Variants in BEND5 observed in about 807,000 individuals in gnomAD.
BEND5 encodes BEN domain containing 5.
Under a neutral mutation model 43.9 loss-of-function variants are expected in BEND5, and 22 were observed. The observed-to-expected ratio is 0.50, with a 90% CI of 0.36 to 0.72. The LOEUF is 0.72. BEND5 is among the 30% of genes least tolerant of loss of function. The pLI is 0.00. For synonymous variants in BEND5, 228 were observed against 225.9 expected (o/e 1.01, Z -0.08); for missense variants, 428 against 550.6 (o/e 0.78, Z 2.23).
Position 48,749,341 on chromosome 1 carries a change from C to T in BEND5, c.746-6570G>A, listed in dbSNP as rs888084896. 2.6e-5 allele frequency among the ~76,000 whole-genome samples: 4 copies of T among 152,206 alleles called. 1 individual carries two copies. Among genetic ancestry groups the T allele is most frequent in the African/African-American group, 9.7e-5 (4 of 41,450 alleles). On this transcript the variant is annotated intron_variant, in intron 3 of 5. Coordinates refer to ENST00000371833, the MANE Select transcript of BEND5 (RefSeq NM_024603.4). ...CGAGGGGATGTTCCTGCTATATCCC[C>T]AGCACCCAGCGCAATGTCCTCCATA...
chr1:48,757,421 G>A (rs749574930), intron 3 of BEND5, among the ~76,000 whole-genome samples: 3 of 152,056 alleles, frequency 2.0e-5, no homozygotes, highest in East Asian at 3.9e-4. Context: ...GCGACTTTTC[G>A]TGTCACTGTG....
rs544695428 is a variant in BEND5, at chr1:48,770,014, C to G, written c.226+6592G>C. On this transcript the variant is annotated intron_variant, in intron 1 of 5. Coordinates refer to ENST00000371833, the MANE Select transcript of BEND5 (RefSeq NM_024603.4). Reference sequence around the variant, plus strand: ...AGTGCAGGGTTCCATCCTAAAATACCCCTGACCTGCTTGCCACCTTTAGTG... The same window carrying G: ...AGTGCAGGGTTCCATCCTAAAATACGCCTGACCTGCTTGCCACCTTTAGTG... 3.9e-5 allele frequency among the ~76,000 whole-genome samples: 6 copies of G among 152,200 alleles called. No homozygotes were observed. The South Asian group carries it at 1.2e-3, about 32-fold the overall frequency.
chr1:48,748,003 A>G (rs979111265), intron 3 of BEND5, among the ~76,000 whole-genome samples: 2 of 152,132 alleles, frequency 1.3e-5, no homozygotes, highest in African/African-American at 2.4e-5. Context: ...TACAAGTACC[A>G]TCCTATTTTC....
At chr1:48,732,664 C>T (rs1026403233) in intron 5 of BEND5, among the ~76,000 whole-genome samples, 1 of 152,008 alleles carries the variant, frequency 6.6e-6, no homozygotes, top group Admixed American at 6.6e-5. Flanking sequence ...TCCAGGGCTA[C>T]AGCACAATAG....
intron 5 of BEND5, among the ~76,000 whole-genome samples, chr1:48,732,491 T>C (rs1648299891): frequency 6.6e-6 from 1 of 151,112 alleles, no homozygotes; most frequent in African/African-American, 2.5e-5. Flanking sequence ...AAAAAGTAAA[T>C]AGGAAATGCT....
At chr1:48,761,978 C>T (rs1644276816) in intron 1 of BEND5, among the ~76,000 whole-genome samples, 1 of 152,178 alleles carries the variant, frequency 6.6e-6, no homozygotes, top group Non-Finnish European at 1.5e-5. Flanking sequence ...ACAGCCCTGA[C>T]ATAAGGCAGG....
At chr1:48,733,693 C>CTTACGAGGTAAGA (rs1553217320) in intron 5 of BEND5, among the ~76,000 whole-genome samples, 1 of 152,154 alleles carries the variant, frequency 6.6e-6, no homozygotes, top group Non-Finnish European at 1.5e-5. Context: ...CCCTGACTAT[C>CTTACGAGGTAAGA]TTACGAGGTA....
intron 1 of BEND5, among the ~76,000 whole-genome samples, chr1:48,767,560 A>T (rs1201170737): frequency 6.6e-6 from 1 of 152,200 alleles, no homozygotes; most frequent in African/African-American, 2.4e-5. Flanking sequence ...ATGAAGGTGA[A>T]TGGTGGTGTG....
intron 4 of BEND5, among the ~76,000 whole-genome samples, chr1:48,738,037 T>A (rs1316463612): frequency 6.6e-6 from 1 of 152,186 alleles, no homozygotes; most frequent in Non-Finnish European, 1.5e-5. Context: ...ACCCAACTAA[T>A]GGCAGACCAG....
intron 1 of BEND5, among the ~76,000 whole-genome samples, chr1:48,775,188 G>A (rs1405569534): frequency 1.3e-5 from 2 of 152,198 alleles, no homozygotes; most frequent in Non-Finnish European, 2.9e-5. Flanking sequence ...CAGTGGGTGG[G>A]CCTACACTTC....
chr1:48,730,623 T>C (rs1417833312), intron 5 of BEND5, among the ~76,000 whole-genome samples: 2 of 152,166 alleles, frequency 1.3e-5, no homozygotes, highest in Non-Finnish European at 2.9e-5. Flanking sequence ...CCCCATAGAA[T>C]TTCAATCATT....
chr1:48,748,930 A>C (rs1651212831), intron 3 of BEND5, among the ~76,000 whole-genome samples: 1 of 152,064 alleles, frequency 6.6e-6, no homozygotes. Context: ...TGAATCCTGG[A>C]TTAGGTGAGA....
At position 48,759,255 on chromosome 1, in the gene BEND5, C is replaced by T. The variant is rs755957106; in HGVS notation, c.390G>A (p.Val130=). The change falls in exon 3 of 6, where the codon GTG becomes GTA. Residue 130 remains valine (V), a synonymous_variant. Coordinates refer to ENST00000371833, the MANE Select transcript of BEND5 (RefSeq NM_024603.4). The stretch of plus-strand genomic sequence containing the variant: ...CCACTGCCTCGATGCTCTTGTGCGC[C>T]ACTTCGCTCGGCTTCCGCCCCTCAG... ...KRPEGRKPSE[V]AHKSIEAVVA... 8.5e-5 allele frequency: 134 copies of T among 1,571,894 alleles called. 1 individual carries two copies. Among genetic ancestry groups the T allele is most frequent in the Non-Finnish European group, 1.1e-4 (127 of 1,158,280 alleles).
rs1647438509 is a variant in BEND5, at chr1:48,727,978, T to A, written c.1174A>T (p.Lys392Ter). 1 of 1,612,470 alleles carries A rather than the reference T, an allele frequency of 6.2e-7. No homozygotes were observed. Among genetic ancestry groups the A allele is most frequent in the African/African-American group, 1.3e-5 (1 of 74,914 alleles). The change falls in exon 6 of 6, where the codon AAA becomes TAA. Residue 392 changes from lysine (K) to a stop codon, truncating the protein, a stop_gained. Coordinates refer to ENST00000371833, the MANE Select transcript of BEND5 (RefSeq NM_024603.4). LOFTEE classifies it high-confidence loss of function. ...TTTTCACAGATGTACTTGTTGACTT[T>A]GGAGAGTCTCTGTGCAATTTCAGTT... ...DETEIAQRLS[K>*]VNKYICEKIM...
intron 3 of BEND5, among the ~76,000 whole-genome samples, chr1:48,753,015 T>C (rs1460706423): frequency 1.3e-5 from 2 of 152,232 alleles, no homozygotes; most frequent in Non-Finnish European, 2.9e-5. Flanking sequence ...CCCAAAGTGC[T>C]GGGATTACAG....
chr1:48,769,548 C>CACAA (rs1261490830), intron 1 of BEND5, among the ~76,000 whole-genome samples: 1 of 146,580 alleles, frequency 6.8e-6, no homozygotes, highest in Non-Finnish European at 1.5e-5. Context: ...CACACACACA[C>CACAA]ACACACACAC....
intron 2 of BEND5, chr1:48,760,934 A>G (rs1397472279): frequency 6.4e-6 from 1 of 156,974 alleles, no homozygotes; most frequent in Non-Finnish European, 1.4e-5. Flanking sequence ...TGCACTTCCC[A>G]ATGAGTCCAG....
chr1:48,772,122 C>A (rs931513755), intron 1 of BEND5, among the ~76,000 whole-genome samples: 1 of 152,208 alleles, frequency 6.6e-6, no homozygotes, highest in Non-Finnish European at 1.5e-5. Context: ...AGGATGCAGG[C>A]ACAAGGAAGC....
chr1:48,728,125 C>T, intron 5 of BEND5, 82 bp from the exon 6 acceptor site: 1 of 1,286,428 alleles, frequency 7.8e-7, no homozygotes. Context: ...AGAAAATGTA[C>T]CTCCCAACAT....
Sources: allele counts gnomAD v4.1 joint callset (sites outside exome capture counted in the v4.1 genomes callset), GRCh38; gene constraint gnomAD v4.1.1; transcripts MANE v1.5; gene names NCBI Gene and HGNC (gene_info 2026-07-23, HGNC 2026-07-21).